Variants in KAZN observed in about 807,000 individuals in gnomAD.
KAZN encodes the protein kazrin.
In KAZN, 40 loss-of-function variants were observed where a neutral mutation model predicts 87.4. The ratio of observed to expected loss-of-function variants is 0.46; its 90% CI spans 0.36 to 0.60. The LOEUF (loss-of-function observed/expected upper bound fraction) is 0.60, where lower values mean the gene tolerates loss of function less well. Among genes scored for constraint, KAZN ranks in the 20% least tolerant of loss-of-function variants. KAZN has a pLI of 0.00. For synonymous variants in KAZN, 466 were observed against 458.3 expected (o/e 1.02, Z -0.22); for missense variants, 898 against 1,073.9 (o/e 0.84, Z 2.29).
rs749899846 is a variant in KAZN at position 14,612,916 on chromosome 1, G to A, written c.226+13693G>A. Among the ~76,000 whole-genome samples the A allele has an allele frequency of 6.6e-5, 10 of 152,138 alleles. No homozygotes were observed. The East Asian group carries it at 9.6e-4, about 15-fold the overall frequency. On this transcript the variant is annotated intron_variant, in intron 1 of 14. Coordinates refer to ENST00000376030, the MANE Select transcript of KAZN (RefSeq NM_201628.3). Reference sequence around the variant, plus strand: ...TAGAACTCTTGGTTATTAATAGTGCGTTGTATTATTGAACTATGAATTCTC... The same window carrying A: ...TAGAACTCTTGGTTATTAATAGTGCATTGTATTATTGAACTATGAATTCTC...
intron 1 of KAZN, among the ~76,000 whole-genome samples, chr1:14,798,560 G>C (rs1321320007): frequency 1.4e-5 from 2 of 145,280 alleles, no homozygotes; most frequent in African/African-American, 5.1e-5. Context: ...TCAGCCTCCA[G>C]ATTAGCTGGG....
At chr1:14,956,561 G>A (rs1198604779) in intron 1 of KAZN, among the ~76,000 whole-genome samples, 4 of 151,562 alleles carry the variant, frequency 2.6e-5, no homozygotes, top group East Asian at 1.9e-4. Flanking sequence ...AGCTGAGATC[G>A]TGCCATTGCA....
intron 1 of KAZN, among the ~76,000 whole-genome samples, chr1:14,767,160 C>T (rs971251576): frequency 2.0e-5 from 3 of 152,252 alleles, no homozygotes; most frequent in East Asian, 1.9e-4. Context: ...TTAAACATCC[C>T]GTAAGCATTT....
intron 2 of KAZN, among the ~76,000 whole-genome samples, chr1:14,330,756 G>A (rs568358790): frequency 6.6e-5 from 10 of 152,240 alleles, no homozygotes; most frequent in East Asian, 1.9e-4. Flanking sequence ...GCATGAATGC[G>A]TGGGGGGTTG....
chr1:14,710,711 C>T (rs1364698659), intron 1 of KAZN, among the ~76,000 whole-genome samples: 1 of 152,164 alleles, frequency 6.6e-6, no homozygotes, highest in African/African-American at 2.4e-5. Context: ...GTCTCCCTTT[C>T]CCTGCTTCAT....
chr1:14,922,782 ACT>A (rs1658669195), intron 1 of KAZN, among the ~76,000 whole-genome samples: 3 of 128,052 alleles, frequency 2.3e-5, no homozygotes, highest in South Asian at 2.5e-4. Flanking sequence ...ACAAAGCGAG[ACT>A]CTGTCTCAAA....
intron 1 of KAZN, among the ~76,000 whole-genome samples, chr1:13,977,322 CT>C (rs1037406774): frequency 3.9e-5 from 6 of 152,188 alleles, no homozygotes; most frequent in African/African-American, 1.4e-4. Flanking sequence ...TTTAAATCCC[CT>C]ATGACTCAGT....
intron 1 of KAZN, among the ~76,000 whole-genome samples, chr1:13,909,388 G>T (rs976861322): frequency 1.3e-5 from 2 of 152,156 alleles, no homozygotes; most frequent in African/African-American, 4.8e-5. Context: ...GCAAGAGGGT[G>T]AGGAGGGAGG....
At chr1:15,075,302 A>G (rs555739617) in intron 8 of KAZN, among the ~76,000 whole-genome samples, 2 of 152,346 alleles carry the variant, frequency 1.3e-5, no homozygotes, top group Non-Finnish European at 2.9e-5. Flanking sequence ...TCCCTGGGTC[A>G]GTAAGTTTTG....
chr1:14,386,160 T>G (rs1661868323), intron 2 of KAZN, among the ~76,000 whole-genome samples: 1 of 145,586 alleles, frequency 6.9e-6, no homozygotes, highest in African/African-American at 2.5e-5. Context: ...GTTTTCCATT[T>G]GCTTGGTAGA....
rs1341665828 is a variant in KAZN, at chr1:14,158,285, T to C, written c.92-22150T>C. ...TCTAGATCTTATAGGTGTGCTTCAT[T>C]GTTTTTTATTCTTTTTTCTTTTGTT... On this transcript the variant is annotated intron_variant, in intron 1 of 16. Transcript: ENST00000636203. Among the ~76,000 whole-genome samples the C allele has an allele frequency of 2.6e-5, 4 of 152,188 alleles. No individual in the cohort carries two copies. In the East Asian group the frequency reaches 5.8e-4, roughly 22 times the overall value.
At chr1:14,672,044 T>A (rs1639949468) in intron 1 of KAZN, among the ~76,000 whole-genome samples, 1 of 152,218 alleles carries the variant, frequency 6.6e-6, no homozygotes, top group African/African-American at 2.4e-5. Context: ...GAAATGAACA[T>A]CCTTGCCTCA....
intron 1 of KAZN, among the ~76,000 whole-genome samples, chr1:13,944,195 G>T (rs1234691336): frequency 6.6e-6 from 1 of 152,152 alleles, no homozygotes; most frequent in Non-Finnish European, 1.5e-5. Flanking sequence ...GCAACAAAAG[G>T]GAATAAACTA....
intron 1 of KAZN, among the ~76,000 whole-genome samples, chr1:14,701,023 A>G (rs115977776): frequency 0.01 from 1,596 of 152,358 alleles, 27 homozygotes; most frequent in African/African-American, 0.036. Flanking sequence ...GAAGATTTCA[A>G]TTAAGCCTGC....
chr1:14,784,972 T>TTTA (rs1158133559), intron 1 of KAZN, among the ~76,000 whole-genome samples: 2 of 145,420 alleles, frequency 1.4e-5, no homozygotes, highest in African/African-American at 5.5e-5. Flanking sequence ...CTGCTTACTT[T>TTTA]TTTTTTTTTT....
chr1:14,287,345 G>T (rs1314680148), intron 2 of KAZN, among the ~76,000 whole-genome samples: 1 of 152,254 alleles, frequency 6.6e-6, no homozygotes, highest in East Asian at 1.9e-4. Context: ...TCTGACCAGT[G>T]AGGCCACAGC....
intron 2 of KAZN, among the ~76,000 whole-genome samples, chr1:15,029,777 C>T (rs2102217884): frequency 6.6e-6 from 1 of 152,318 alleles, no homozygotes; most frequent in Non-Finnish European, 1.5e-5. Flanking sequence ...CATTCATTTC[C>T]AACCAGAAAG....
At chr1:14,114,323 T>G (rs967838747) in intron 1 of KAZN, among the ~76,000 whole-genome samples, 3 of 152,084 alleles carry the variant, frequency 2.0e-5, no homozygotes, top group Non-Finnish European at 4.4e-5. Flanking sequence ...GAGGCAGGAC[T>G]TTGATGCTCC....
At chr1:14,470,964 G>A (rs895568386) in intron 2 of KAZN, among the ~76,000 whole-genome samples, 9 of 152,176 alleles carry the variant, frequency 5.9e-5, no homozygotes, top group African/African-American at 1.9e-4. Flanking sequence ...GCTTTTTGGA[G>A]AGGTCCCATG....
Sources: gnomAD v4.1 joint callset for allele counts (sites outside exome capture counted in the v4.1 genomes callset) on GRCh38, gnomAD v4.1.1 for gene constraint, MANE v1.5 for transcripts, NCBI Gene and HGNC (gene_info 2026-07-23, HGNC 2026-07-21) for gene names.